TENM2: variants seen among roughly 807,000 people sequenced by gnomAD.
TENM2 encodes teneurin transmembrane protein 2.
Under a neutral mutation model 245.2 loss-of-function variants are expected in TENM2, and 52 were observed. The ratio of observed to expected loss-of-function variants is 0.21; its 90% CI spans 0.17 to 0.27. The LOEUF (loss-of-function observed/expected upper bound fraction) is 0.27, where lower values mean the gene tolerates loss of function less well. TENM2 is among the 10% of genes least tolerant of loss of function. The pLI, the probability that TENM2 is intolerant of heterozygous loss-of-function variation, is 1.00. For missense variants in TENM2, 3,046 were observed against 3,666.8 expected (o/e 0.83, Z 4.37); for synonymous variants, 1,363 against 1,438.9 (o/e 0.95, Z 1.19).
At chr5:167,966,871 C>G (rs775351637) in intron 4 of TENM2, 1 of 152,160 alleles carries the variant, frequency 6.6e-6, no homozygotes, top group Non-Finnish European at 1.5e-5. Context: ...CAATAGGCAG[C>G]TTGATTTCTC....
At chr5:168,007,166 A>G (rs1222939361) in intron 5 of TENM2, among the ~76,000 whole-genome samples, 1 of 149,136 alleles carries the variant, frequency 6.7e-6, no homozygotes, top group Admixed American at 6.7e-5. Flanking sequence ...TCACTCTGTC[A>G]CCCAGGCTGG....
intron 2 of TENM2, among the ~76,000 whole-genome samples, chr5:167,861,116 C>T (rs10066693): frequency 3.3e-5 from 5 of 151,738 alleles, no homozygotes; most frequent in Non-Finnish European, 5.9e-5. Context: ...CCCTAGCAAT[C>T]GCTCACTTGG....
intron 27 of TENM2, among the ~76,000 whole-genome samples, chr5:168,249,453 GGTGTGTGT>G (rs3084277): frequency 0.4 from 59,795 of 148,780 alleles, 13,360 homozygotes; most frequent in South Asian, 0.58. Context: ...GTTCTCTCAA[GGTGTGTGT>G]GTGTGTGTGT....
chr5:167,719,981 C>G (rs1759520502), intron 2 of TENM2, among the ~76,000 whole-genome samples: 1 of 151,794 alleles, frequency 6.6e-6, no homozygotes, highest in Non-Finnish European at 1.5e-5. Flanking sequence ...AACACATTTT[C>G]TGTGGGTTAA....
chr5:167,583,460 TTATGAG>T (rs903619563), intron 2 of TENM2, among the ~76,000 whole-genome samples: 11 of 119,132 alleles, frequency 9.2e-5, no homozygotes, highest in Non-Finnish European at 1.7e-4. Flanking sequence ...TGAAAAGGCA[TTATGAG>T]TATATGTACA....
intron 2 of TENM2, among the ~76,000 whole-genome samples, chr5:167,453,984 ATG>A (rs1421602356): frequency 6.6e-6 from 1 of 152,170 alleles, no homozygotes; most frequent in African/African-American, 2.4e-5. Context: ...ATCAATGAAA[ATG>A]TGTATTTCAA....
the TENM2 span, among the ~76,000 whole-genome samples, chr5:167,033,454 G>A: frequency 2.0e-5 from 3 of 152,094 alleles, no homozygotes; most frequent in East Asian, 1.9e-4. Context: ...TGTTGCTTAC[G>A]TTTATCTTCC....
the TENM2 span, among the ~76,000 whole-genome samples, chr5:167,183,458 C>G: frequency 6.6e-6 from 1 of 152,098 alleles, no homozygotes; most frequent in African/African-American, 2.4e-5. Context: ...TATAGCCAAC[C>G]TCTTCCTTGA....
At chr5:167,552,856 C>T (rs1334688039) in intron 2 of TENM2, among the ~76,000 whole-genome samples, 2 of 152,134 alleles carry the variant, frequency 1.3e-5, no homozygotes, top group African/African-American at 4.8e-5. Context: ...TTGACAAATA[C>T]TTAGTAAACA....
At chr5:167,071,677 G>T in the TENM2 span, among the ~76,000 whole-genome samples, 4,521 of 152,140 alleles carry the variant, frequency 0.03, 231 homozygotes, top group African/African-American at 0.1. Flanking sequence ...ATTATCCTTG[G>T]TTGTGTGCCA....
chr5:167,945,805 G>A (rs1041963512), intron 3 of TENM2, among the ~76,000 whole-genome samples: 1 of 152,210 alleles, frequency 6.6e-6, no homozygotes, highest in African/African-American at 2.4e-5. Flanking sequence ...AGGCTGAGCG[G>A]GGTGCTTCCT....
intron 25 of TENM2, among the ~76,000 whole-genome samples, chr5:168,235,277 T>C (rs1765322196): frequency 6.6e-6 from 1 of 152,220 alleles, no homozygotes; most frequent in African/African-American, 2.4e-5. Flanking sequence ...TCACCTTACA[T>C]GGTGAGCAGC....
intron 2 of TENM2, among the ~76,000 whole-genome samples, chr5:167,411,188 T>C (rs922528823): frequency 2.0e-5 from 3 of 152,032 alleles, no homozygotes; most frequent in African/African-American, 7.2e-5. Context: ...TGAGAGAGGA[T>C]AGGAAACTGT....
chr5:167,005,193 CTG>C, the TENM2 span, among the ~76,000 whole-genome samples: 1 of 152,122 alleles, frequency 6.6e-6, no homozygotes, highest in African/African-American at 2.4e-5. Context: ...GTGTCTTTCA[CTG>C]TTTCTGCATT....
chr5:167,631,452 A>T (rs1460632883), intron 2 of TENM2, among the ~76,000 whole-genome samples: 1 of 152,162 alleles, frequency 6.6e-6, no homozygotes, highest in Non-Finnish European at 1.5e-5. Context: ...GTCCAGAAAT[A>T]GAAGTTGGAT....
At chr5:168,150,352 C>G (rs1040156580) in intron 12 of TENM2, among the ~76,000 whole-genome samples, 2 of 152,214 alleles carry the variant, frequency 1.3e-5, no homozygotes, top group Non-Finnish European at 2.9e-5. Flanking sequence ...GTCCATTTGT[C>G]CCCTGATTCG....
chr5:168,230,083 C>T (rs1281653443), intron 25 of TENM2, among the ~76,000 whole-genome samples: 3 of 152,178 alleles, frequency 2.0e-5, no homozygotes, highest in Non-Finnish European at 4.4e-5. Context: ...AATATTAAAA[C>T]TCTTTCTTTA....
chr5:167,530,676 T>G (rs2127592535), intron 2 of TENM2, among the ~76,000 whole-genome samples: 1 of 152,156 alleles, frequency 6.6e-6, no homozygotes, highest in East Asian at 1.9e-4. Flanking sequence ...AGAGTCCCAG[T>G]CAGGTGGAGC....
At chr5:167,306,981 A>G (rs1755718016) in intron 1 of TENM2, among the ~76,000 whole-genome samples, 1 of 152,202 alleles carries the variant, frequency 6.6e-6, no homozygotes, top group African/African-American at 2.4e-5. Flanking sequence ...AGGGCTGGAA[A>G]GAGAATCAAA....
Sources: gnomAD v4.1 joint callset for allele counts (sites outside exome capture counted in the v4.1 genomes callset) on GRCh38, gnomAD v4.1.1 for gene constraint, MANE v1.5 for transcripts, NCBI Gene and HGNC (gene_info 2026-07-23, HGNC 2026-07-21) for gene names.